The following HYDIN variants were observed in gnomAD, a reference collection of about 807,000 sequenced individuals.
The protein encoded by HYDIN is axonemal central pair apparatus protein HYDIN.
Under a neutral mutation model 403.9 loss-of-function variants are expected in HYDIN, and 132 were observed. That is an observed-to-expected ratio of 0.33 (90% CI 0.28 to 0.38). HYDIN has a LOEUF of 0.38. Among genes scored for constraint, HYDIN ranks in the 10% least tolerant of loss-of-function variants. The pLI is 1.00. For synonymous variants in HYDIN, 1,202 were observed against 1,891.7 expected, an observed-to-expected ratio of 0.64 and a Z score of 9.46; for missense variants, 2,827 against 5,009.5, an observed-to-expected ratio of 0.56 and a Z score of 13.15.
At chr16:71,039,698 T>C (rs1242743944) in intron 18 of HYDIN, among the ~76,000 whole-genome samples, 2 of 152,214 alleles carry the variant, frequency 1.3e-5, no homozygotes, top group African/African-American at 4.8e-5. Flanking sequence ...CCTACCTGCC[T>C]CATCTCCTTT....
chr16:71,049,239 G>C (rs1348900337), intron 18 of HYDIN, among the ~76,000 whole-genome samples: 12 of 152,218 alleles, frequency 7.9e-5, no homozygotes, highest in Admixed American at 3.3e-4. Context: ...AAGGAATGAG[G>C]CCTAATGTCC....
chr16:71,148,450 A>G (rs2085405025), intron 7 of HYDIN, among the ~76,000 whole-genome samples: 1 of 152,200 alleles, frequency 6.6e-6, no homozygotes, highest in Non-Finnish European at 1.5e-5. Context: ...TTATCTGCAG[A>G]TGACCTGTTT....
At chr16:70,978,351 C>T (rs1198397804) in intron 30 of HYDIN, among the ~76,000 whole-genome samples, 1 of 147,736 alleles carries the variant, frequency 6.8e-6, no homozygotes, top group African/African-American at 2.5e-5. Context: ...CCATCTCTCA[C>T]CTAGAATGAC....
At chr16:70,996,996 G>T (rs1357175681) in intron 23 of HYDIN, among the ~76,000 whole-genome samples, 1 of 150,300 alleles carries the variant, frequency 6.7e-6, no homozygotes, top group Non-Finnish European at 1.5e-5. Flanking sequence ...GGAGCCCTGA[G>T]CTTGTTTTCC....
chr16:71,221,317 C>A (rs1019839423), intron 1 of HYDIN, among the ~76,000 whole-genome samples: 4 of 151,838 alleles, frequency 2.6e-5, no homozygotes, highest in Admixed American at 6.6e-5. Context: ...AGATGTACAG[C>A]CCAAATTCAT....
In HYDIN at chr16:71,187,067, G is replaced by C. The variant is rs1028943891; in HGVS notation, c.-23-149C>G. The C allele has an allele frequency of 1.1e-5, 6 of 558,694 alleles. No individual in the cohort carries two copies. The African/African-American group carries it at 1.1e-4, about 11-fold the overall frequency. 34.6% of individuals were successfully genotyped at this position (558,694 alleles called of 1,614,324 possible). ...TGCTTGGAACAAATATCTCAACAAA[G>C]GATTCTATTCCATATAACTAGATTT... is the stretch of plus-strand genomic sequence containing the variant. On this transcript the variant is annotated intron_variant, in intron 1 of 85. Transcript: ENST00000393567.
chr16:71,074,676 TCAAAA>T (rs948355879), intron 13 of HYDIN, among the ~76,000 whole-genome samples: 19 of 70,906 alleles, frequency 2.7e-4, no homozygotes, highest in South Asian at 1.5e-3. Context: ...AGACTCTGTC[TCAAAA>T]CAAAACAAAA....
At chr16:70,900,316 A>AAAT (rs1453308004) in intron 53 of HYDIN, among the ~76,000 whole-genome samples, 4 of 151,206 alleles carry the variant, frequency 2.6e-5, no homozygotes, top group African/African-American at 9.7e-5. Context: ...TCTCTACTAA[A>AAAT]AATACAAAAA....
At chr16:70,900,241 C>T (rs1048734013) in intron 53 of HYDIN, among the ~76,000 whole-genome samples, 4 of 151,636 alleles carry the variant, frequency 2.6e-5, no homozygotes, top group East Asian at 3.9e-4. Context: ...TTTGGGAGGC[C>T]GAGGCAGGAG....
chr16:70,908,906 A>T (rs1410821620), intron 47 of HYDIN, 45 bp from the exon 48 acceptor site: 5 of 1,605,084 alleles, frequency 3.1e-6, no homozygotes, highest in South Asian at 1.1e-5. Context: ...CACTTTTTGT[A>T]CACACAAACA....
intron 1 of HYDIN, among the ~76,000 whole-genome samples, chr16:71,217,457 C>A (rs1194308288): frequency 6.6e-6 from 1 of 152,160 alleles, no homozygotes; most frequent in Non-Finnish European, 1.5e-5. Flanking sequence ...AAATACACTA[C>A]CCATATAAGA....
At chr16:71,007,282 A>G (rs2079918647) in intron 23 of HYDIN, among the ~76,000 whole-genome samples, 1 of 152,144 alleles carries the variant, frequency 6.6e-6, no homozygotes, top group African/African-American at 2.4e-5. Flanking sequence ...AACGGTTTCC[A>G]TGTTTGTCTT....
chr16:70,937,039 A>T (rs1043855570), intron 44 of HYDIN, among the ~76,000 whole-genome samples: 1 of 151,424 alleles, frequency 6.6e-6, no homozygotes, highest in African/African-American at 2.4e-5. Flanking sequence ...AAAATAGTTA[A>T]CCCAGCTATT....
chr16:71,048,322 C>T (rs2081518621), intron 18 of HYDIN, among the ~76,000 whole-genome samples: 1 of 140,660 alleles, frequency 7.1e-6, no homozygotes, highest in South Asian at 2.3e-4. Context: ...GCCATCTCTA[C>T]AACACTGATC....
chr16:71,139,450 A>G (rs10451117), intron 7 of HYDIN, among the ~76,000 whole-genome samples: 8,699 of 152,190 alleles, frequency 0.057, 857 homozygotes, highest in African/African-American at 0.2. Flanking sequence ...AGGAATCATC[A>G]GATAGAAACT....
intron 75 of HYDIN, among the ~76,000 whole-genome samples, chr16:70,842,904 T>G (rs2037925555): frequency 6.6e-6 from 1 of 151,936 alleles, no homozygotes; most frequent in Non-Finnish European, 1.5e-5. Context: ...TGCCATTTGT[T>G]TTACTATATT....
At chr16:71,193,906 C>A (rs2087562249) in intron 1 of HYDIN, among the ~76,000 whole-genome samples, 1 of 152,078 alleles carries the variant, frequency 6.6e-6, no homozygotes, top group Non-Finnish European at 1.5e-5. Context: ...GAAAAGCCAG[C>A]AAAAATTTTT....
intron 18 of HYDIN, among the ~76,000 whole-genome samples, chr16:71,037,658 G>A (rs910844928): frequency 3.3e-4 from 50 of 151,998 alleles, no homozygotes; most frequent in African/African-American, 9.9e-4. Context: ...AAGGAACAGC[G>A]GCTCCAAAGT....
In HYDIN at chr16:70,985,235, A is replaced by G. The variant is rs778774206; in HGVS notation, c.4282T>C (p.Ser1428Pro). 4 of 1,585,512 alleles carry G rather than the reference A, an allele frequency of 2.5e-6. No individual in the cohort carries two copies. Among genetic ancestry groups the G allele is most frequent in the Non-Finnish European group, 3.5e-6 (4 of 1,157,574 alleles). The change falls in exon 28 of 86, where the codon TCT becomes CCT. Residue 1428 changes from serine (S) to proline (P), a missense_variant. By Grantham distance (74) the Ser-to-Pro change is moderately conservative. Transcript: ENST00000393567. The stretch of plus-strand genomic sequence containing the variant: ...CCAGGGAGAAGGTTGTCTGGAGAAG[A>G]CTGGTGGTCAGTCAGAACCTTGAAC... ...FEFKVLTDHQ[S>P]SPDNLLPGVP...
Sources: gnomAD v4.1 joint callset for allele counts (sites outside exome capture counted in the v4.1 genomes callset) on GRCh38, gnomAD v4.1.1 for gene constraint, MANE v1.5 for transcripts, NCBI Gene and HGNC (gene_info 2026-07-23, HGNC 2026-07-21) for gene names.